The following RHAG variants were observed in gnomAD, a reference collection of about 807,000 sequenced individuals.
RHAG encodes ammonium transporter Rh type A.
Under a neutral mutation model 42.4 loss-of-function variants are expected in RHAG, and 25 were observed. The observed-to-expected ratio is 0.59, with a 90% CI of 0.43 to 0.82. The LOEUF is 0.82. Among genes scored for constraint, RHAG ranks in the 40% least tolerant of loss-of-function variants. RHAG has a pLI of 0.00. For missense variants in RHAG, 483 were observed against 504.6 expected, an observed-to-expected ratio of 0.96 and a Z score of 0.41; for synonymous variants, 182 against 177.7, an observed-to-expected ratio of 1.02 and a Z score of -0.19.
At chr6:49,633,251 G>C (rs1762959659) in intron 1 of RHAG, among the ~76,000 whole-genome samples, 1 of 152,052 alleles carries the variant, frequency 6.6e-6, no homozygotes, top group South Asian at 2.1e-4. Context: ...TGAACTTCTT[G>C]GGGAGGAACC....
intron 1 of RHAG, among the ~76,000 whole-genome samples, chr6:49,626,822 A>C (rs1342988908): frequency 6.6e-6 from 1 of 152,282 alleles, no homozygotes; most frequent in African/African-American, 2.4e-5. Flanking sequence ...CCCAAACTTC[A>C]ATTCTTGACT....
At chr6:49,626,616 G>A (rs1215811170) in intron 1 of RHAG, among the ~76,000 whole-genome samples, 2 of 152,192 alleles carry the variant, frequency 1.3e-5, no homozygotes, top group Non-Finnish European at 1.5e-5. Context: ...CCATTCTGGG[G>A]TCTGGAGGAT....
intron 5 of RHAG, among the ~76,000 whole-genome samples, chr6:49,613,493 A>G (rs1410688130): frequency 1.3e-5 from 2 of 152,148 alleles, no homozygotes; most frequent in Non-Finnish European, 2.9e-5. Context: ...TTTCCTTTTC[A>G]TTGTTTTTAA....
chr6:49,624,574 A>G (rs940469904), intron 1 of RHAG, among the ~76,000 whole-genome samples: 1 of 152,222 alleles, frequency 6.6e-6, no homozygotes, highest in Non-Finnish European at 1.5e-5. Context: ...CTAGTAGTTT[A>G]TATTCCATTC....
At chr6:49,619,436 C>T in intron 1 of RHAG, 74 bp from the exon 2 acceptor site, 1 of 1,315,260 alleles carries the variant, frequency 7.6e-7, no homozygotes, top group Non-Finnish European at 1.1e-6. Context: ...GTATACCCCA[C>T]TTATTAAGTG....
chr6:49,606,894 C>A lies in RHAG; in HGVS notation c.1166G>T (p.Gly389Val). 6 of 1,612,108 alleles carry A rather than the reference C, an allele frequency of 3.7e-6. No individual in the cohort carries two copies. Among genetic ancestry groups the A allele is most frequent in the Non-Finnish European group, 4.2e-6 (5 of 1,178,276 alleles). Residue 389 changes from glycine to valine, a missense_variant, in exon 9 of 10, where the codon GGA becomes GTA. Coordinates refer to ENST00000371175, the MANE Select transcript of RHAG (RefSeq NM_000324.3). ...TGLILKLPLW[G>V]QPSDQNCYDD... The stretch of plus-strand genomic sequence containing the variant: ...ATAGCAGTTCTGGTCAGATGGCTGT[C>A]CCCAGAGAGGCAACTTTAGAATTAA...
chr6:49,605,526 TTGGGAATCC>T lies in RHAG; in HGVS notation c.*278_*286del, dbSNP rs1482123686. On this transcript the variant is annotated 3_prime_UTR_variant, in exon 10 of 10. Transcript: ENST00000371175. ...GTATTTACTCACTGCCAAAAGCTTT[TTGGGAATCC>T]TGGAGAAGATCTATTTGATTATCTG... 11 of 491,196 alleles carry T rather than the reference TTGGGAATCC, an allele frequency of 2.2e-5. No individual in the cohort carries two copies. Among genetic ancestry groups the T allele is most frequent in the Admixed American group, 1.3e-4 (4 of 31,040 alleles). The allele number at this position is 491,196 out of a possible 1,614,324, so 30.4% of individuals were successfully genotyped here. A position where few individuals can be genotyped will look rare whatever the true frequency, so the allele number is the denominator to read the frequency against.
At chr6:49,628,331 G>A (rs1033387052) in intron 1 of RHAG, among the ~76,000 whole-genome samples, 5 of 152,040 alleles carry the variant, frequency 3.3e-5, no homozygotes, top group African/African-American at 7.2e-5. Context: ...GTTTTGTAGC[G>A]ACAGGGTCTC....
chr6:49,615,421 G>GT (rs1219237124), intron 4 of RHAG: 2 of 510,946 alleles, frequency 3.9e-6, no homozygotes, highest in Non-Finnish European at 6.9e-6. Context: ...TAGAGATGGA[G>GT]TCTCATTATG....
intron 6 of RHAG, 71 bp from the exon 7 acceptor site, chr6:49,611,216 A>T: frequency 1.6e-6 from 2 of 1,257,348 alleles, no homozygotes. Flanking sequence ...AAACAGAGCT[A>T]TAGCTGGGCT....
intron 1 of RHAG, among the ~76,000 whole-genome samples, chr6:49,620,165 A>C (rs970533781): frequency 6.6e-6 from 1 of 152,228 alleles, no homozygotes; most frequent in African/African-American, 2.4e-5. Flanking sequence ...GAGTTCAATC[A>C]CATGACTGTG....
intron 1 of RHAG, among the ~76,000 whole-genome samples, chr6:49,620,133 G>A (rs1425649111): frequency 6.6e-6 from 1 of 152,116 alleles, no homozygotes; most frequent in Non-Finnish European, 1.5e-5. Context: ...CTTGGTGTCT[G>A]GGGATATGGG....
intron 7 of RHAG, among the ~76,000 whole-genome samples, chr6:49,610,157 A>G (rs377000966): frequency 2.0e-5 from 3 of 152,170 alleles, no homozygotes; most frequent in East Asian, 1.9e-4. Context: ...TGATGGGTGC[A>G]GCAAACCACC....
chr6:49,632,945 G>A (rs1762955150), intron 1 of RHAG, among the ~76,000 whole-genome samples: 1 of 152,102 alleles, frequency 6.6e-6, no homozygotes, highest in African/African-American at 2.4e-5. Flanking sequence ...CAAAAACCAT[G>A]GAGTATAGCT....
intron 1 of RHAG, 70 bp from the exon 2 acceptor site, chr6:49,619,432 C>A: frequency 7.3e-7 from 1 of 1,369,622 alleles, no homozygotes; most frequent in Non-Finnish European, 1.0e-6. Flanking sequence ...CATAGTATAC[C>A]CCACTTATTA....
intron 7 of RHAG, among the ~76,000 whole-genome samples, chr6:49,609,805 T>A (rs1762540793): frequency 1.3e-5 from 2 of 152,240 alleles, no homozygotes; most frequent in Admixed American, 6.5e-5. Flanking sequence ...TAGTTAGTGA[T>A]CATTCAGACA....
intron 5 of RHAG, 85 bp downstream of exon 5, chr6:49,614,602 G>T: frequency 9.1e-7 from 1 of 1,104,686 alleles, no homozygotes; most frequent in Non-Finnish European, 1.4e-6. Context: ...GAGTTCAGCA[G>T]TGATGCAGAA....
chr6:49,634,117 T>C (rs949098135), intron 1 of RHAG, among the ~76,000 whole-genome samples: 5 of 152,188 alleles, frequency 3.3e-5, no homozygotes, highest in Non-Finnish European at 7.4e-5. Flanking sequence ...TTATCATTTC[T>C]TTGTATAAGA....
At chr6:49,621,132 G>A (rs1456151621) in intron 1 of RHAG, among the ~76,000 whole-genome samples, 1 of 152,140 alleles carries the variant, frequency 6.6e-6, no homozygotes, top group Non-Finnish European at 1.5e-5. Flanking sequence ...TCAGGGGCTA[G>A]TGTGTTGAGG....
Sources: gnomAD v4.1 joint callset for allele counts (sites outside exome capture counted in the v4.1 genomes callset) on GRCh38, gnomAD v4.1.1 for gene constraint, MANE v1.5 for transcripts, NCBI Gene and HGNC (gene_info 2026-07-23, HGNC 2026-07-21) for gene names.